Variants in HPSE2 observed in about 807,000 individuals in gnomAD.
HPSE2 encodes heparanase 2 (inactive).
Under a neutral mutation model 60.5 loss-of-function variants are expected in HPSE2, and 38 were observed. The ratio of observed to expected loss-of-function variants is 0.63; its 90% CI spans 0.48 to 0.82. The LOEUF is 0.82. HPSE2 is among the 40% of genes least tolerant of loss of function. The pLI is 0.00. For synonymous variants in HPSE2, 295 were observed against 293.2 expected (o/e 1.01, Z -0.06); for missense variants, 713 against 740.4 (o/e 0.96, Z 0.43).
the HPSE2 span, among the ~76,000 whole-genome samples, chr10:99,288,036 G>A: frequency 6.6e-6 from 1 of 152,190 alleles, no homozygotes; most frequent in African/African-American, 2.4e-5. Flanking sequence ...TAGAACTGAC[G>A]TAATAATTTG....
chr10:98,805,495 C>T (rs1951020987), intron 3 of HPSE2, among the ~76,000 whole-genome samples: 1 of 151,754 alleles, frequency 6.6e-6, no homozygotes, highest in Non-Finnish European at 1.5e-5. Context: ...TTATGGGGTA[C>T]ATAGGGCATA....
At chr10:98,998,369 GA>G (rs1289355599) in intron 3 of HPSE2, among the ~76,000 whole-genome samples, 18 of 152,152 alleles carry the variant, frequency 1.2e-4, no homozygotes, top group African/African-American at 4.1e-4. Context: ...TCTTCCTGAT[GA>G]AAGCTCAACT....
the HPSE2 span, among the ~76,000 whole-genome samples, chr10:99,269,812 A>T: frequency 1.3e-5 from 2 of 152,230 alleles, no homozygotes; most frequent in Non-Finnish European, 2.9e-5. Flanking sequence ...ATTGGAAATC[A>T]ACTCCGAAAG....
rs535747738 is a variant in HPSE2, at chr10:98,907,432, T to C, written c.611-163376A>G. Among the ~76,000 whole-genome samples, 3 of 152,236 alleles carry C rather than the reference T, an allele frequency of 2.0e-5. No homozygotes were observed. The South Asian group carries it at 6.2e-4, about 32-fold the overall frequency. Reference sequence around the variant, plus strand: ...AGGAGGATTGCTTGAGCCTAGGAGTTTGATGCCAGCCTAGGCAACATAGTG... The same window carrying C: ...AGGAGGATTGCTTGAGCCTAGGAGTCTGATGCCAGCCTAGGCAACATAGTG... On this transcript the variant is annotated intron_variant, in intron 3 of 11. Coordinates refer to ENST00000370552, the MANE Select transcript of HPSE2 (RefSeq NM_021828.5).
intron 3 of HPSE2, among the ~76,000 whole-genome samples, chr10:98,768,513 A>T (rs1950173766): frequency 1.3e-5 from 2 of 152,192 alleles, no homozygotes; most frequent in African/African-American, 4.8e-5. Flanking sequence ...TCAGATTCTA[A>T]ATTATTTGAT....
At chr10:98,959,924 C>G (rs1433037314) in intron 3 of HPSE2, among the ~76,000 whole-genome samples, 1 of 152,058 alleles carries the variant, frequency 6.6e-6, no homozygotes, top group African/African-American at 2.4e-5. Context: ...CCATAGAAGC[C>G]AATATGCTTC....
chr10:99,231,095 A>C (rs1208794945), intron 2 of HPSE2, among the ~76,000 whole-genome samples: 1 of 152,196 alleles, frequency 6.6e-6, no homozygotes, highest in African/African-American at 2.4e-5. Context: ...AGTAAGTCCT[A>C]GTCATGCTCC....
At chr10:99,245,744 A>G in the HPSE2 span, among the ~76,000 whole-genome samples, 1 of 152,220 alleles carries the variant, frequency 6.6e-6, no homozygotes, top group Non-Finnish European at 1.5e-5. Flanking sequence ...TTAAATATGT[A>G]TATTCCCTAA....
chr10:98,541,489 C>G (rs957386909), intron 9 of HPSE2, among the ~76,000 whole-genome samples: 54 of 152,262 alleles, frequency 3.5e-4, no homozygotes, highest in African/African-American at 1.2e-3. Context: ...TGCAGCACAC[C>G]GTGCGCGAGC....
chr10:98,830,270 A>T (rs905055828), intron 3 of HPSE2, among the ~76,000 whole-genome samples: 19 of 152,212 alleles, frequency 1.2e-4, no homozygotes, highest in Admixed American at 9.8e-4. Flanking sequence ...AATAAACTCA[A>T]TAGAGAGAAG....
chr10:98,819,453 G>A, intron 3 of HPSE2, among the ~76,000 whole-genome samples: 1 of 125,754 alleles, frequency 8.0e-6, no homozygotes, highest in East Asian at 2.2e-4. Context: ...AGTTCTCTTG[G>A]CCCCAGTTCA....
intron 3 of HPSE2, among the ~76,000 whole-genome samples, chr10:99,014,494 A>G (rs1177745414): frequency 6.6e-6 from 1 of 152,112 alleles, no homozygotes; most frequent in Non-Finnish European, 1.5e-5. Context: ...CTGGGTTGAA[A>G]GGTATTTCTG....
At chr10:98,580,763 A>G (rs1392160326) in intron 9 of HPSE2, among the ~76,000 whole-genome samples, 1 of 150,090 alleles carries the variant, frequency 6.7e-6, no homozygotes, top group Non-Finnish European at 1.5e-5. Context: ...ACTGAGCTGA[A>G]TACCTATCAA....
At chr10:98,616,871 C>T (rs994445480) in intron 8 of HPSE2, among the ~76,000 whole-genome samples, 1 of 152,082 alleles carries the variant, frequency 6.6e-6, no homozygotes, top group Non-Finnish European at 1.5e-5. Flanking sequence ...CCTATAAAAT[C>T]AAGATAACAG....
chr10:98,830,123 TTCAA>T (rs1417045872), intron 3 of HPSE2, among the ~76,000 whole-genome samples: 2 of 152,214 alleles, frequency 1.3e-5, no homozygotes, highest in Non-Finnish European at 2.9e-5. Context: ...CATTCATTTA[TTCAA>T]TCAGACAGTC....
chr10:98,552,262 G>A (rs1395271466), intron 9 of HPSE2, among the ~76,000 whole-genome samples: 3 of 152,060 alleles, frequency 2.0e-5, no homozygotes, highest in East Asian at 3.9e-4. Flanking sequence ...TGTGACCTTG[G>A]ATAAGTTACT....
chr10:98,774,524 T>C (rs867047661), intron 3 of HPSE2, among the ~76,000 whole-genome samples: 76 of 152,242 alleles, frequency 5.0e-4, no homozygotes, highest in African/African-American at 1.7e-3. Context: ...AGATCAGAAA[T>C]CTGGTGGAGG....
At chr10:99,235,999 CTTTT>C (rs371950895), upstream of HPSE2, 3 of 351,118 alleles carry the variant, frequency 8.5e-6, no homozygotes, top group African/African-American at 3.4e-5. Flanking sequence ...TTGTTTTTTT[CTTTT>C]TTTTTTTTAA....
intron 3 of HPSE2, among the ~76,000 whole-genome samples, chr10:99,088,722 G>C (rs1224234802): frequency 2.6e-5 from 4 of 152,090 alleles, no homozygotes; most frequent in Admixed American, 2.0e-4. Context: ...AGATACCCAG[G>C]AGTGGGATTG....
Sources: gnomAD v4.1 joint callset for allele counts (sites outside exome capture counted in the v4.1 genomes callset) on GRCh38, gnomAD v4.1.1 for gene constraint, MANE v1.5 for transcripts, NCBI Gene and HGNC (gene_info 2026-07-23, HGNC 2026-07-21) for gene names.